Variants in NBAS observed in about 807,000 individuals in gnomAD.
NBAS encodes the protein NBAS subunit of NRZ tethering complex, also known as NAG/BC035112 fusion.
In NBAS, 219 loss-of-function variants were observed where a neutral mutation model predicts 302.5. The observed-to-expected ratio is 0.72, with a 90% CI of 0.65 to 0.81. The LOEUF (loss-of-function observed/expected upper bound fraction) is 0.81. NBAS is among the 30% of genes least tolerant of loss of function. The pLI, the probability that NBAS is intolerant of heterozygous loss-of-function variation, is 0.00. For missense variants in NBAS, 2,932 were observed against 2,841.6 expected, an observed-to-expected ratio of 1.03 and a Z score of -0.72; for synonymous variants, 1,118 against 1,021.6, an observed-to-expected ratio of 1.09 and a Z score of -1.80.
intron 21 of NBAS, among the ~76,000 whole-genome samples, chr2:15,439,619 A>G (rs2111457): frequency 0.64 from 96,811 of 151,964 alleles, 31,585 homozygotes; most frequent in Middle Eastern, 0.68. Flanking sequence ...CTGAGGTACC[A>G]GGTTCATCTC....
chr2:15,402,073 A>G, intron 26 of NBAS, 95 bp downstream of exon 26: 8 of 1,390,762 alleles, frequency 5.8e-6, no homozygotes, highest in Non-Finnish European at 8.1e-6. Flanking sequence ...CACATTCCCA[A>G]AATTCTCTAA....
chr2:15,163,506 G>A (rs1663944195), downstream of NBAS, among the ~76,000 whole-genome samples: 1 of 152,166 alleles, frequency 6.6e-6, no homozygotes, highest in Non-Finnish European at 1.5e-5. Flanking sequence ...AGGGACTCGG[G>A]CTTCAATCTG....
chr2:15,105,926 C>T, the NBAS span, among the ~76,000 whole-genome samples: 3,647 of 152,216 alleles, frequency 0.024, 149 homozygotes, highest in African/African-American at 0.082. Flanking sequence ...TCAGAGATTA[C>T]GATTCCCTTT....
chr2:15,440,747 G>T (rs955773995), intron 21 of NBAS, among the ~76,000 whole-genome samples: 12 of 152,116 alleles, frequency 7.9e-5, no homozygotes, highest in African/African-American at 2.9e-4. Context: ...CAAAGAATTT[G>T]AAAACTTTGA....
intron 9 of NBAS, among the ~76,000 whole-genome samples, chr2:15,519,504 G>A (rs1383984244): frequency 1.3e-5 from 2 of 151,754 alleles, no homozygotes; most frequent in Non-Finnish European, 2.9e-5. Context: ...TGGTGGCGCA[G>A]TCACAGCTCA....
At chr2:15,285,785 T>C (rs867896522) in intron 42 of NBAS, among the ~76,000 whole-genome samples, 4 of 152,196 alleles carry the variant, frequency 2.6e-5, no homozygotes, top group South Asian at 2.1e-4. Context: ...CCTGAGTAGC[T>C]GGGATTACAG....
intron 47 of NBAS, among the ~76,000 whole-genome samples, chr2:15,221,002 A>T (rs1298650594): frequency 2.0e-5 from 3 of 152,218 alleles, no homozygotes; most frequent in Non-Finnish European, 4.4e-5. Flanking sequence ...TGAAACTACA[A>T]AATGTTGTGG....
chr2:14,870,048 G>T, the NBAS span, among the ~76,000 whole-genome samples: 1 of 152,180 alleles, frequency 6.6e-6, no homozygotes, highest in African/African-American at 2.4e-5. Context: ...TATTTAAAAT[G>T]ATGGTTTTCA....
chr2:15,399,213 A>AT (rs1336871722), intron 26 of NBAS, among the ~76,000 whole-genome samples: 4 of 152,178 alleles, frequency 2.6e-5, no homozygotes, highest in Admixed American at 2.6e-4. Flanking sequence ...GAAGTCAGTG[A>AT]TTTTGCCTGG....
chr2:15,135,867 TAAAAAAA>T, the NBAS span, among the ~76,000 whole-genome samples: 1 of 132,460 alleles, frequency 7.5e-6, no homozygotes, highest in Non-Finnish European at 1.6e-5. Flanking sequence ...GCTGATGAGC[TAAAAAAA>T]AAAAAAAAAA....
Position 15,414,503 on chromosome 2 carries a change from A to G in NBAS, c.2937+1043T>C, listed in dbSNP as rs912119356. On this transcript the variant is annotated intron_variant, in intron 25 of 51. Coordinates refer to ENST00000281513, the MANE Select transcript of NBAS (RefSeq NM_015909.4). ...AACAGTATATTTGATCTATGGCTAA[A>G]TTTTTAGGTTTCTGATATTGCCAAA... Among the ~76,000 whole-genome samples the G allele has an allele frequency of 2.6e-5, 4 of 152,210 alleles. No homozygotes were observed. In the South Asian group the frequency reaches 6.2e-4, roughly 24 times the overall value.
Position 15,443,991 on chromosome 2 carries a change from A to G in NBAS, c.2340-16197T>C, listed in dbSNP as rs572639439. On this transcript the variant is annotated intron_variant, in intron 21 of 51. Transcript: ENST00000281513. Reference sequence around the variant, plus strand: ...AAGGAGAACTACAAACCACTGCTCAATGAAATAAAAGAGGATACAAACAAA... The same window carrying G: ...AAGGAGAACTACAAACCACTGCTCAGTGAAATAAAAGAGGATACAAACAAA... Among the ~76,000 whole-genome samples, 1,246 of 150,876 alleles carry G rather than the reference A, an allele frequency of 8.3e-3. 14 individuals carry two copies. The highest frequency in any genetic ancestry group is 0.046 in the East Asian group (234 of 5,034).
chr2:15,545,408 A>G (rs1664062695), intron 6 of NBAS, among the ~76,000 whole-genome samples: 1 of 152,192 alleles, frequency 6.6e-6, no homozygotes, highest in African/African-American at 2.4e-5. Flanking sequence ...ACAAATGGAC[A>G]AAACTCTGGC....
At chr2:14,946,669 T>C in the NBAS span, among the ~76,000 whole-genome samples, 1 of 152,186 alleles carries the variant, frequency 6.6e-6, no homozygotes, top group Admixed American at 6.5e-5. Flanking sequence ...AGTTAAACTA[T>C]ACTAGACCTA....
At chr2:15,482,604 AC>A (rs1680474352) in intron 12 of NBAS, among the ~76,000 whole-genome samples, 1 of 152,088 alleles carries the variant, frequency 6.6e-6, no homozygotes, top group South Asian at 2.1e-4. Flanking sequence ...CAGCTGAGAC[AC>A]CTGACTTGCT....
chr2:15,396,742 A>AC (rs1315591980), intron 26 of NBAS, among the ~76,000 whole-genome samples: 2 of 151,734 alleles, frequency 1.3e-5, no homozygotes, highest in Admixed American at 6.6e-5. Context: ...TAAAGGTAAA[A>AC]AAATATATAA....
chr2:14,978,172 T>C, the NBAS span, among the ~76,000 whole-genome samples: 5 of 152,220 alleles, frequency 3.3e-5, no homozygotes, highest in Non-Finnish European at 7.3e-5. Flanking sequence ...ATGCTTAGTC[T>C]AGTGATCATC....
intron 11 of NBAS, among the ~76,000 whole-genome samples, chr2:15,500,078 CCTAA>C (rs1407983316): frequency 6.6e-6 from 1 of 152,296 alleles, no homozygotes; most frequent in Non-Finnish European, 1.5e-5. Context: ...AGTAAAACTT[CCTAA>C]CTAACTGTCC....
chr2:14,914,539 G>A, the NBAS span, among the ~76,000 whole-genome samples: 4 of 152,212 alleles, frequency 2.6e-5, no homozygotes, highest in African/African-American at 7.2e-5. Context: ...CCAGCCCCTT[G>A]TCAAGGAGCA....
Sources: gnomAD v4.1 joint callset for allele counts (sites outside exome capture counted in the v4.1 genomes callset) on GRCh38, gnomAD v4.1.1 for gene constraint, MANE v1.5 for transcripts, NCBI Gene and HGNC (gene_info 2026-07-23, HGNC 2026-07-21) for gene names.